Variants in BRWD3 observed in about 807,000 individuals in gnomAD.
BRWD3 encodes the protein bromodomain and WD repeat-containing protein 3.
Under a neutral mutation model 149.7 loss-of-function variants are expected in BRWD3, and 10 were observed. The observed-to-expected ratio is 0.07, with a 90% CI of 0.04 to 0.11. The LOEUF (loss-of-function observed/expected upper bound fraction) is 0.11. Among genes scored for constraint, BRWD3 ranks in the 10% least tolerant of loss-of-function variants. BRWD3 has a pLI of 1.00. For missense variants in BRWD3, 940 were observed against 1,373.2 expected (o/e 0.68, Z 4.99); for synonymous variants, 504 against 456.7 (o/e 1.10, Z -1.32).
rs1569296297 is a variant in BRWD3 at position 80,809,754 on chromosome X, GGAA to G, written c.-286_-284del. 64 of 100,118 alleles carry G rather than the reference GGAA, an allele frequency of 6.4e-4. 1 individual carries two copies. The highest frequency in any genetic ancestry group is 2.6e-3 in the African/African-American group (30 of 11,380). The allele number at this position is 100,118 out of a possible 1,213,427, so 8.3% of individuals were successfully genotyped here. A position where few individuals can be genotyped will look rare whatever the true frequency, so the allele number is the denominator to read the frequency against. Reference sequence around the variant, plus strand: ...GAGAGAGAAGAGAGAGAGAGAGAGAGGAAAAAGAGAGAGAGAGAGAGAGAGAGA... The same window carrying G: ...GAGAGAGAAGAGAGAGAGAGAGAGAGAAAGAGAGAGAGAGAGAGAGAGAGA... On this transcript the variant is annotated 5_prime_UTR_variant, in exon 1 of 41. Coordinates refer to ENST00000373275, the MANE Select transcript of BRWD3 (RefSeq NM_153252.5).
At chrX:80,729,060 T>C (rs1305787194) in intron 13 of BRWD3, among the ~76,000 whole-genome samples, 155 bp from the exon 14 acceptor site, 2 of 111,152 alleles carry the variant, frequency 1.8e-5, no homozygotes, top group Non-Finnish European at 3.8e-5. Context: ...AAGAAAAAAA[T>C]AAATATATCT....
In BRWD3 at chrX:80,705,468, A is replaced by C. The variant is rs776390758; in HGVS notation, c.2553-622T>G. 2.7e-5 allele frequency among the ~76,000 whole-genome samples: 3 copies of C among 111,562 alleles called. No individual in the cohort carries two copies. The East Asian group carries it at 8.4e-4, about 31-fold the overall frequency. ...TTATTCTTGGAAATGCTGAAGTGGGATTGTTTTAAAACTGAAATAAATACA... is the reference window on the plus strand; with the variant it reads ...TTATTCTTGGAAATGCTGAAGTGGGCTTGTTTTAAAACTGAAATAAATACA... On this transcript the variant is annotated intron_variant, in intron 22 of 40. Coordinates refer to ENST00000373275, the MANE Select transcript of BRWD3 (RefSeq NM_153252.5).
At position 80,799,681 on chromosome X, in the gene BRWD3, G is replaced by T. The variant is rs1012722490; in HGVS notation, c.181-5909C>A. Among the ~76,000 whole-genome samples the T allele has an allele frequency of 8.1e-5, 9 of 111,716 alleles. No homozygotes were observed. The Admixed American group carries it at 8.6e-4, about 11-fold the overall frequency. ...TACTACAGAGATAACAGGGTACTTT[G>T]AAGTCTGAGAGCCTGGAACTAAAAT... On this transcript the variant is annotated intron_variant, in intron 4 of 40. Coordinates refer to ENST00000373275, the MANE Select transcript of BRWD3 (RefSeq NM_153252.5).
chrX:80,673,637 C>G lies in BRWD3; in HGVS notation c.*2972G>C, dbSNP rs1326156339. The G allele has an allele frequency of 9.0e-6, 1 of 111,315 alleles. No homozygotes were observed. Among genetic ancestry groups the G allele is most frequent in the Non-Finnish European group, 1.9e-5 (1 of 52,935 alleles). 9.2% of individuals were successfully genotyped at this position (111,315 alleles called of 1,213,427 possible). The stretch of plus-strand genomic sequence containing the variant: ...TAAGCCATAGAAGAAACACACAATT[C>G]AGATTTTATAAATATATACACACAC... On this transcript the variant is annotated 3_prime_UTR_variant, in exon 41 of 41. Transcript: ENST00000373275.
At position 80,682,402 on chromosome X, in the gene BRWD3, C is replaced by T; in HGVS notation, c.4397+63G>A. 1.8e-6 allele frequency: 2 copies of T among 1,139,122 alleles called. 1 individual carries two copies. Among genetic ancestry groups the T allele is most frequent in the South Asian group, 3.6e-5 (2 of 55,150 alleles). The allele number at this position is 1,139,122 out of a possible 1,213,427, so 93.9% of individuals were successfully genotyped here. On this transcript the variant is annotated intron_variant, in intron 38 of 40. Transcript: ENST00000373275. ...TCCCCAAATTATTCATAAACTTTCA[C>T]AAATTAGGTAATACATACAAAATGC...
intron 5 of BRWD3, among the ~76,000 whole-genome samples, chrX:80,792,780 C>T (rs2074194614): frequency 9.0e-6 from 1 of 110,894 alleles, no homozygotes; most frequent in Non-Finnish European, 1.9e-5. Context: ...TTATCAAATA[C>T]CACTTTATGT....
At chrX:80,711,781 C>T (rs1298393965) in intron 20 of BRWD3, among the ~76,000 whole-genome samples, 5 of 111,809 alleles carry the variant, frequency 4.5e-5, no homozygotes, top group African/African-American at 1.6e-4. Context: ...CCACCTATGA[C>T]CTGGAACCTC....
intron 6 of BRWD3, among the ~76,000 whole-genome samples, chrX:80,747,302 T>TTCAA (rs1475971717): frequency 9.1e-6 from 1 of 109,660 alleles, no homozygotes; most frequent in Non-Finnish European, 1.9e-5. Context: ...CTCCGTTGAA[T>TTCAA]GATTCTTTGC....
At position 80,684,077 on chromosome X, in the gene BRWD3, T is replaced by G; in HGVS notation, c.4166A>C (p.Glu1389Ala). ...LEAGNYGSPL[E>A]FYKDVRQIFN... ...TATTTGGCGAACATCCTTATAAAAT[T>G]CCAGAGGACTACCATAGTTTCCTGC... The change falls in exon 37 of 41, where the codon GAA (glutamate) becomes GCA (alanine). Residue 1389 changes from glutamate to alanine, a missense_variant. Around this residue, in one of 6 missense-constraint regions of BRWD3, gnomAD observed 349 missense variants for 419.6 expected, o/e 0.83. Coordinates refer to ENST00000373275, the MANE Select transcript of BRWD3 (RefSeq NM_153252.5). 1.7e-6 allele frequency: 2 copies of G among 1,205,883 alleles called. No individual in the cohort carries two copies. The highest frequency in any genetic ancestry group is 2.2e-6 in the Non-Finnish European group (2 of 890,545).
intron 6 of BRWD3, among the ~76,000 whole-genome samples, chrX:80,770,108 A>T (rs1301633023): frequency 8.9e-6 from 1 of 111,740 alleles, no homozygotes; most frequent in African/African-American, 3.3e-5. Context: ...GGCAATAATT[A>T]ATAGCCTACC....
intron 36 of BRWD3, among the ~76,000 whole-genome samples, chrX:80,684,976 AAG>A (rs1215221221): frequency 9.0e-6 from 1 of 111,690 alleles, no homozygotes; most frequent in African/African-American, 3.2e-5. Context: ...GTATTATAAA[AAG>A]AGAGAAAATA....
chrX:80,787,516 A>G (rs192943336), intron 6 of BRWD3, among the ~76,000 whole-genome samples: 8 of 110,095 alleles, frequency 7.3e-5, no homozygotes, highest in Middle Eastern at 9.2e-3. Context: ...ACGATAATCC[A>G]ATGGGGAAAA....
intron 6 of BRWD3, among the ~76,000 whole-genome samples, chrX:80,767,567 C>T (rs1284234829): frequency 1.8e-5 from 2 of 111,673 alleles, no homozygotes; most frequent in African/African-American, 6.5e-5. Context: ...CAACATCAAA[C>T]ATCAAAGGTA....
chrX:80,758,146 C>A (rs141611900), intron 6 of BRWD3, among the ~76,000 whole-genome samples: 2,630 of 110,875 alleles, frequency 0.024, 63 homozygotes, highest in African/African-American at 0.082. Context: ...TTGTGGTGAG[C>A]CAAGATCGCG....
intron 3 of BRWD3, among the ~76,000 whole-genome samples, 174 bp downstream of exon 3, chrX:80,808,839 G>C (rs1340886438): frequency 1.9e-5 from 2 of 105,663 alleles, no homozygotes; most frequent in Non-Finnish European, 1.9e-5. Flanking sequence ...GACGAGTTAA[G>C]ACCCCAGCGT....
rs12689192 is a variant in BRWD3, at chrX:80,691,687, C to A, written c.3481+136G>T. The A allele has an allele frequency of 0.16, 128,751 of 825,986 alleles. 7,844 individuals are homozygous for A. The highest frequency in any genetic ancestry group is 0.45 in the South Asian group (19,708 of 43,470). The allele number at this position is 825,986 out of a possible 1,213,427, so 68.1% of individuals were successfully genotyped here. On this transcript the variant is annotated intron_variant, in intron 30 of 40. Transcript: ENST00000373275. ...GCATATAAAACTGCTAATATTAAAA[C>A]TAGAATCACTGTGCTTCTTGAGTTA...
At chrX:80,710,596 A>G (rs1172810788) in intron 20 of BRWD3, 1 of 486,087 alleles carries the variant, frequency 2.1e-6, no homozygotes, top group Non-Finnish European at 3.8e-6. Context: ...CATGATGATG[A>G]TGATGTGTCT....
intron 4 of BRWD3, among the ~76,000 whole-genome samples, chrX:80,798,042 CCG>C (rs2074256338): frequency 2.7e-5 from 3 of 110,872 alleles, no homozygotes; most frequent in African/African-American, 6.6e-5. Flanking sequence ...TTGCAGTGAG[CCG>C]AGATCACGCC....
chrX:80,770,352 A>C (rs1207880696), intron 6 of BRWD3, among the ~76,000 whole-genome samples: 1 of 112,010 alleles, frequency 8.9e-6, no homozygotes, highest in African/African-American at 3.2e-5. Context: ...AAAATCCTCA[A>C]TAAAATACTG....
Sources: allele counts gnomAD v4.1 joint callset (sites outside exome capture counted in the v4.1 genomes callset), GRCh38; gene constraint gnomAD v4.1.1; regional missense constraint gnomAD v4.1.1; transcripts MANE v1.5; gene names NCBI Gene and HGNC (gene_info 2026-07-23, HGNC 2026-07-21).